Variants in AHCTF1 observed in about 807,000 individuals in gnomAD.
AHCTF1 encodes the protein AT-hook containing transcription factor 1.
In AHCTF1, 24 loss-of-function variants were observed where a neutral mutation model predicts 248.4. The ratio of observed to expected loss-of-function variants is 0.10; its 90% CI spans 0.07 to 0.14. The LOEUF (loss-of-function observed/expected upper bound fraction) is 0.14, where lower values mean the gene tolerates loss of function less well. AHCTF1 is among the 10% of genes least tolerant of loss of function. The probability of loss-of-function intolerance (pLI) is 1.00; values close to 1 mark genes in which losing one functional copy is unlikely to be tolerated. For missense variants in AHCTF1, 2,206 were observed against 2,636.2 expected, an observed-to-expected ratio of 0.84 and a Z score of 3.57; for synonymous variants, 786 against 929.8, an observed-to-expected ratio of 0.85 and a Z score of 2.81.
intron 35 of AHCTF1, among the ~76,000 whole-genome samples, chr1:246,842,068 C>T (rs947901139): frequency 6.6e-6 from 1 of 150,962 alleles, no homozygotes; most frequent in South Asian, 2.1e-4. Context: ...GCTCGGATTA[C>T]AGGCGTGAGC....
chr1:246,875,912 A>G (rs764648316), intron 24 of AHCTF1, 125 bp downstream of exon 24: 362 of 893,178 alleles, frequency 4.1e-4, no homozygotes, highest in South Asian at 7.9e-4. Flanking sequence ...CAAACCAGCA[A>G]TATCTCCAAG....
In AHCTF1 at chr1:246,861,192, A is replaced by G; in HGVS notation, c.3839T>C (p.Phe1280Ser). 2 of 1,613,666 alleles carry G rather than the reference A, an allele frequency of 1.2e-6. No homozygotes were observed. Among genetic ancestry groups the G allele is most frequent in the Non-Finnish European group, 1.7e-6 (2 of 1,179,998 alleles). ...ATGCTCCTTTTCAGGGCTGTTCAGG[A>G]AAAAAGATGTGGTCCTATCTTTGCT... ...LKSKDRTTSF[F>S]LNSPEKEHQE... is the part of the protein sequence containing the mutation. The change falls in exon 29 of 36, where the codon TTC becomes TCC. Residue 1280 changes from phenylalanine (F) to serine (S), a missense_variant. Phe to Ser is a radical substitution (Grantham distance 155). Transcript: ENST00000648844.
chr1:246,929,526 G>A (rs1195431812), intron 1 of AHCTF1, among the ~76,000 whole-genome samples: 1 of 152,212 alleles, frequency 6.6e-6, no homozygotes, highest in African/African-American at 2.4e-5. Flanking sequence ...CATGAGCAAA[G>A]AAACATCAGA....
intron 24 of AHCTF1, among the ~76,000 whole-genome samples, chr1:246,868,977 T>C (rs530460357): frequency 7.7e-5 from 11 of 143,066 alleles, no homozygotes; most frequent in Admixed American, 6.9e-4. Flanking sequence ...GCTGAGTAGC[T>C]GGGACTACAG....
rs764801267 is a variant in AHCTF1 at position 246,843,808 on chromosome 1, A to G, written c.6512T>C (p.Leu2171Pro). 1.4e-6 allele frequency: 2 copies of G among 1,451,620 alleles called. No individual in the cohort carries two copies. Among genetic ancestry groups the G allele is most frequent in the East Asian group, 2.5e-5 (1 of 39,252 alleles). 89.9% of individuals were successfully genotyped at this position (1,451,620 alleles called of 1,614,324 possible). A position where few individuals can be genotyped will look rare whatever the true frequency, so the allele number is the denominator to read the frequency against. Residue 2171 changes from leucine (L) to proline (P), a missense_variant, in exon 34 of 36, where the codon CTT becomes CCT. This residue lies in a region of AHCTF1 where 469 missense variants were observed against 470.0 expected (regional missense o/e 1.00). Coordinates refer to ENST00000648844, the MANE Select transcript of AHCTF1 (RefSeq NM_001323342.2). ...RQKNTSNKNK[L>P]EDELKDDAQS... is the part of the protein sequence containing the mutation. ...TGCATTTCTTACCAGTTCATCTTCAAGCTTGTTCTTATTGGATGTGTTTTT... is the reference window on the plus strand; with the variant it reads ...TGCATTTCTTACCAGTTCATCTTCAGGCTTGTTCTTATTGGATGTGTTTTT...
At position 246,839,163 on chromosome 1, in the gene AHCTF1, T is replaced by G. The variant is rs1165024689; in HGVS notation, c.*1643A>C. ...TTTATACGTAAGTACATACATTCAT[T>G]TAAAATATATGTAAAGTTCATTTAG... is the stretch of plus-strand genomic sequence containing the variant. On this transcript the variant is annotated 3_prime_UTR_variant, in exon 36 of 36. Transcript: ENST00000648844. 5.9e-5 allele frequency: 9 copies of G among 152,214 alleles called. No homozygotes were observed. Among genetic ancestry groups the G allele is most frequent in the Non-Finnish European group, 1.2e-4 (8 of 68,042 alleles). The allele number at this position is 152,214 out of a possible 1,614,324, so 9.4% of individuals were successfully genotyped here.
chr1:246,853,052 GAA>G, intron 32 of AHCTF1, 37 bp downstream of exon 32: 1 of 1,507,510 alleles, frequency 6.6e-7, no homozygotes, highest in South Asian at 1.2e-5. Flanking sequence ...AACCAAAACT[GAA>G]AGACTGATAA....
chr1:246,931,266 G>A (rs113177866), intron 1 of AHCTF1: 6 of 1,548,600 alleles, frequency 3.9e-6, no homozygotes, highest in Non-Finnish European at 1.7e-6. Flanking sequence ...GGCCCCGGCC[G>A]TCCGTAAAGG....
chr1:246,929,576 G>A (rs1389293642), intron 1 of AHCTF1, among the ~76,000 whole-genome samples: 1 of 152,192 alleles, frequency 6.6e-6, no homozygotes, highest in Non-Finnish European at 1.5e-5. Flanking sequence ...CAGGATTGAT[G>A]ACGATTCTGG....
chr1:246,927,302 A>G (rs1306316969), intron 1 of AHCTF1, among the ~76,000 whole-genome samples: 4 of 152,286 alleles, frequency 2.6e-5, no homozygotes, highest in African/African-American at 4.8e-5. Flanking sequence ...TCTGGCCAAC[A>G]TGGTGAAACC....
Position 246,898,189 on chromosome 1 carries a change from G to A in AHCTF1, c.1623+19C>T. 5 of 1,610,934 alleles carry A rather than the reference G, an allele frequency of 3.1e-6. No homozygotes were observed. Among genetic ancestry groups the A allele is most frequent in the Non-Finnish European group, 4.2e-6 (5 of 1,179,642 alleles). On this transcript the variant is annotated intron_variant, in intron 12 of 35. Coordinates refer to ENST00000648844, the MANE Select transcript of AHCTF1 (RefSeq NM_001323342.2). Reference sequence around the variant, plus strand: ...CGTGATCCAACCAAAAGAAACAATAGAGTTAAAAATCATCTCACTTGGCTT... The same window carrying A: ...CGTGATCCAACCAAAAGAAACAATAAAGTTAAAAATCATCTCACTTGGCTT...
At chr1:246,842,903 T>G in intron 34 of AHCTF1, 127 bp from the exon 35 acceptor site, 1 of 733,130 alleles carries the variant, frequency 1.4e-6, no homozygotes, top group Non-Finnish European at 2.3e-6. Context: ...CAAAATTGAC[T>G]CCTTTTCTCA....
intron 1 of AHCTF1, chr1:246,931,071 A>C: frequency 6.5e-7 from 1 of 1,539,566 alleles, no homozygotes; most frequent in East Asian, 2.5e-5. Context: ...CAATCGGGTG[A>C]GCTGGAACCT....
chr1:246,923,316 G>A (rs1372153174), intron 1 of AHCTF1, among the ~76,000 whole-genome samples: 4 of 152,078 alleles, frequency 2.6e-5, no homozygotes, highest in Admixed American at 2.6e-4. Context: ...TCAGGAGGCT[G>A]AGGCATGAGA....
At chr1:246,859,561 C>T (rs536909644) in intron 29 of AHCTF1, among the ~76,000 whole-genome samples, 11 of 152,196 alleles carry the variant, frequency 7.2e-5, no homozygotes, top group Non-Finnish European at 1.0e-4. Flanking sequence ...ATTTTTTGAT[C>T]ACTAAAATAA....
chr1:246,867,214 GTC>G (rs761268096), intron 26 of AHCTF1, 28 bp downstream of exon 26: 1 of 1,222,006 alleles, frequency 8.2e-7, no homozygotes, highest in Non-Finnish European at 1.2e-6. Context: ...CTAACATTGT[GTC>G]TCTAAGAATG....
In AHCTF1 at chr1:246,885,546, T is replaced by G. The variant is rs1324893178; in HGVS notation, c.2607A>C (p.Thr869=). 3.1e-6 allele frequency: 5 copies of G among 1,611,336 alleles called. No individual in the cohort carries two copies. In the African/African-American group the frequency reaches 5.3e-5, roughly 17 times the overall value. Reference sequence around the variant, plus strand: ...GGATAACATCGTTACCACTGGACACTGTTGGCTTCATTGTCTGAATATATC... The same window carrying G: ...GGATAACATCGTTACCACTGGACACGGTTGGCTTCATTGTCTGAATATATC... ...ALRYIQTMKP[T]VSSGNDVILH... Residue 869 remains threonine (T), a synonymous_variant, in exon 21 of 36, where the codon ACA becomes ACC. Coordinates refer to ENST00000648844, the MANE Select transcript of AHCTF1 (RefSeq NM_001323342.2).
intron 24 of AHCTF1, among the ~76,000 whole-genome samples, chr1:246,871,968 G>A (rs1662621542): frequency 6.7e-6 from 1 of 149,052 alleles, no homozygotes; most frequent in South Asian, 2.1e-4. Context: ...ACAAGTCCCA[G>A]CCTCAGTGTT....
At chr1:246,925,525 C>T (rs1395795421) in intron 1 of AHCTF1, among the ~76,000 whole-genome samples, 1 of 152,162 alleles carries the variant, frequency 6.6e-6, no homozygotes, top group African/African-American at 2.4e-5. Flanking sequence ...GAAGCTCAGG[C>T]GGAAGGATCT....
Sources: allele counts gnomAD v4.1 joint callset (sites outside exome capture counted in the v4.1 genomes callset), GRCh38; gene constraint gnomAD v4.1.1; regional missense constraint gnomAD v4.1.1; transcripts MANE v1.5; gene names NCBI Gene and HGNC (gene_info 2026-07-23, HGNC 2026-07-21).